PRR16: variants seen among roughly 807,000 people sequenced by gnomAD.
The protein encoded by PRR16 is protein Largen.
In PRR16, 6 loss-of-function variants were observed where a neutral mutation model predicts 18.2. The ratio of observed to expected loss-of-function variants is 0.33; its 90% CI spans 0.18 to 0.65. PRR16 has a LOEUF of 0.65. Among genes scored for constraint, PRR16 ranks in the 30% least tolerant of loss-of-function variants. The pLI is 0.74. For synonymous variants in PRR16, 151 were observed against 147.8 expected, an observed-to-expected ratio of 1.02 and a Z score of -0.16; for missense variants, 412 against 376.6, an observed-to-expected ratio of 1.09 and a Z score of -0.78.
intron 1 of PRR16, among the ~76,000 whole-genome samples, chr5:120,645,184 A>T (rs1331849278): frequency 1.3e-5 from 2 of 152,114 alleles, no homozygotes; most frequent in African/African-American, 4.8e-5. Flanking sequence ...AGATTAGAAA[A>T]ATTGAGTAAA....
chr5:120,761,676 C>T, the PRR16 span, among the ~76,000 whole-genome samples: 1 of 152,106 alleles, frequency 6.6e-6, no homozygotes, highest in Non-Finnish European at 1.5e-5. Context: ...ATGATCAAGA[C>T]AGGGTATTAA....
chr5:120,516,484 G>GACAC (rs149936115), intron 1 of PRR16, among the ~76,000 whole-genome samples: 2,731 of 136,470 alleles, frequency 0.02, 34 homozygotes, highest in Middle Eastern at 0.096. Context: ...AGGAGGGAAG[G>GACAC]ACACACACAC....
At chr5:120,646,490 A>G (rs1256282855) in intron 1 of PRR16, among the ~76,000 whole-genome samples, 1 of 152,022 alleles carries the variant, frequency 6.6e-6, no homozygotes, top group Non-Finnish European at 1.5e-5. Flanking sequence ...CACTTGCCTG[A>G]ATCTCCAGGC....
chr5:120,492,255 A>AGTGT (rs3991307), intron 1 of PRR16, among the ~76,000 whole-genome samples: 467 of 138,106 alleles, frequency 3.4e-3, no homozygotes, highest in African/African-American at 7.6e-3. Context: ...CGCTAATTTG[A>AGTGT]GTGTGTGTGT....
chr5:120,655,388 TAA>T (rs1554092374), intron 1 of PRR16, among the ~76,000 whole-genome samples: 1 of 143,574 alleles, frequency 7.0e-6, no homozygotes, highest in South Asian at 2.2e-4. Flanking sequence ...TTTTTTTTTT[TAA>T]AAAAAAAGAG....
chr5:120,692,319 A>T (rs930178510), downstream of PRR16, among the ~76,000 whole-genome samples: 1 of 152,190 alleles, frequency 6.6e-6, no homozygotes, highest in African/African-American at 2.4e-5. Flanking sequence ...ACTCTGTCAG[A>T]GTTCACCCTG....
At chr5:120,537,413 A>G (rs1464808148) in intron 1 of PRR16, among the ~76,000 whole-genome samples, 1 of 152,160 alleles carries the variant, frequency 6.6e-6, no homozygotes, top group African/African-American at 2.4e-5. Flanking sequence ...CCACCATATA[A>G]AATTCCTCAA....
chr5:120,702,400 A>C, the PRR16 span, among the ~76,000 whole-genome samples: 4 of 151,246 alleles, frequency 2.6e-5, no homozygotes, highest in African/African-American at 9.7e-5. Flanking sequence ...TGCCGCTAAG[A>C]GTGAAGGAGA....
the PRR16 span, among the ~76,000 whole-genome samples, chr5:120,761,743 A>G: frequency 6.6e-6 from 1 of 152,072 alleles, no homozygotes; most frequent in African/African-American, 2.4e-5. Flanking sequence ...TCTTCTAGCT[A>G]TTTTAAAATA....
chr5:120,791,874 G>GTACT, the PRR16 span, among the ~76,000 whole-genome samples: 4 of 151,992 alleles, frequency 2.6e-5, no homozygotes, highest in African/African-American at 7.2e-5. Flanking sequence ...ATATCTCCTG[G>GTACT]TACTTAGAAT....
At chr5:120,715,066 G>A in the PRR16 span, among the ~76,000 whole-genome samples, 6 of 151,658 alleles carry the variant, frequency 4.0e-5, no homozygotes, top group African/African-American at 1.2e-4. Context: ...GTATATCTAT[G>A]TAACAAAACT....
chr5:120,711,850 C>T, the PRR16 span, among the ~76,000 whole-genome samples: 28 of 152,278 alleles, frequency 1.8e-4, no homozygotes, highest in East Asian at 2.9e-3. Flanking sequence ...GGGAGGGATA[C>T]GGGATTTACA....
chr5:120,518,317 G>GTA lies in PRR16; in HGVS notation c.159+53684_159+53685dup, dbSNP rs369906645. On this transcript the variant is annotated intron_variant, in intron 1 of 1. Transcript: ENST00000407149. ...TAATCTTCAATTATTTGTTTTAATT[G>GTA]TATATATATATATTTGTAAAGGAAT... Among the ~76,000 whole-genome samples, 534 of 151,446 alleles carry GTA rather than the reference G, an allele frequency of 3.5e-3. 4 individuals are homozygous for GTA. Among genetic ancestry groups the GTA allele is most frequent in the African/African-American group, 0.012 (490 of 41,284 alleles).
chr5:120,581,965 G>A (rs1407161868), intron 1 of PRR16, among the ~76,000 whole-genome samples: 2 of 151,936 alleles, frequency 1.3e-5, no homozygotes, highest in African/African-American at 2.4e-5. Context: ...CAATTTTAGA[G>A]TAATTTCAAA....
intron 1 of PRR16, among the ~76,000 whole-genome samples, chr5:120,519,896 A>C (rs570015458): frequency 4.6e-5 from 7 of 152,182 alleles, no homozygotes; most frequent in Admixed American, 2.0e-4. Context: ...AAAACACTTC[A>C]TTATACCACT....
rs909893688 is a variant in PRR16, at chr5:120,516,674, A to T, written c.159+52029A>T. On this transcript the variant is annotated intron_variant, in intron 1 of 1. Coordinates refer to ENST00000407149, the MANE Select transcript of PRR16 (RefSeq NM_001300783.2). ...AAAAACGTGGTTATGTCAGGCTCTA[A>T]TCAAATAAGCGAAAACGGGAATCAG... 3.9e-5 allele frequency among the ~76,000 whole-genome samples: 6 copies of T among 152,298 alleles called. No homozygotes were observed. In the East Asian group the frequency reaches 7.7e-4, roughly 20 times the overall value.
At chr5:120,523,342 T>G (rs373593946) in intron 1 of PRR16, among the ~76,000 whole-genome samples, 4 of 152,214 alleles carry the variant, frequency 2.6e-5, no homozygotes, top group Non-Finnish European at 4.4e-5. Context: ...AGTTGTAGCC[T>G]ATGGTATTAA....
At chr5:120,753,329 A>C in the PRR16 span, among the ~76,000 whole-genome samples, 1 of 152,040 alleles carries the variant, frequency 6.6e-6, no homozygotes, top group Non-Finnish European at 1.5e-5. Flanking sequence ...ACAGGAGGTT[A>C]AAACGTCTTT....
intron 1 of PRR16, among the ~76,000 whole-genome samples, chr5:120,575,831 A>G (rs1190700654): frequency 6.6e-6 from 1 of 152,186 alleles, no homozygotes; most frequent in Non-Finnish European, 1.5e-5. Context: ...ATGTAAAAAC[A>G]TTCAAATTAG....
Sources: allele counts gnomAD v4.1 joint callset (sites outside exome capture counted in the v4.1 genomes callset), GRCh38; gene constraint gnomAD v4.1.1; transcripts MANE v1.5; gene names NCBI Gene and HGNC (gene_info 2026-07-23, HGNC 2026-07-21).